Variants in SEMA3A observed in about 807,000 individuals in gnomAD.
SEMA3A encodes the protein semaphorin-3A.
SEMA3A carries 29 observed loss-of-function variants against 97.9 expected under a neutral mutation model. The observed-to-expected ratio is 0.30, with a 90% CI of 0.22 to 0.40. The LOEUF (loss-of-function observed/expected upper bound fraction) is 0.40. SEMA3A is among the 10% of genes least tolerant of loss of function. The pLI, the probability that SEMA3A is intolerant of heterozygous loss-of-function variation, is 1.00. For missense variants in SEMA3A, 763 were observed against 951.3 expected (o/e 0.80, Z 2.60); for synonymous variants, 321 against 323.7 (o/e 0.99, Z 0.09).
At chr7:84,156,665 A>T (rs1159472700) in intron 1 of SEMA3A, among the ~76,000 whole-genome samples, 1 of 152,168 alleles carries the variant, frequency 6.6e-6, no homozygotes, top group South Asian at 2.1e-4. Context: ...GAAGATACAC[A>T]TGTCAAAAAG....
intron 3 of SEMA3A, among the ~76,000 whole-genome samples, chr7:84,279,631 G>A (rs879853010): frequency 4.6e-5 from 7 of 152,082 alleles, no homozygotes; most frequent in African/African-American, 7.2e-5. Flanking sequence ...GTGGGAGTTC[G>A]TTTTACTACT....
At chr7:84,176,428 G>T (rs187365367) in intron 1 of SEMA3A, among the ~76,000 whole-genome samples, 1 of 152,086 alleles carries the variant, frequency 6.6e-6, no homozygotes, top group South Asian at 2.1e-4. Context: ...CCACGAGTTG[G>T]ATGTAAAACC....
intron 3 of SEMA3A, among the ~76,000 whole-genome samples, chr7:84,112,375 T>C (rs141584753): frequency 8.9e-4 from 135 of 152,318 alleles, no homozygotes; most frequent in African/African-American, 3.1e-3. Context: ...GTCTTTTTCA[T>C]TCTAGAAAAG....
chr7:84,028,155 A>G (rs564182121), intron 6 of SEMA3A, among the ~76,000 whole-genome samples: 18 of 152,322 alleles, frequency 1.2e-4, no homozygotes, highest in African/African-American at 3.8e-4. Context: ...GTAAATTGTA[A>G]ATTTATAGAA....
intron 3 of SEMA3A, among the ~76,000 whole-genome samples, chr7:84,285,121 C>G (rs1392955114): frequency 6.6e-6 from 1 of 152,058 alleles, no homozygotes; most frequent in Non-Finnish European, 1.5e-5. Context: ...TGGTCTTAAA[C>G]ATTTTTCTCC....
At chr7:84,478,933 A>G (rs1806372500) in intron 1 of SEMA3A, among the ~76,000 whole-genome samples, 1 of 152,184 alleles carries the variant, frequency 6.6e-6, no homozygotes, top group Non-Finnish European at 1.5e-5. Flanking sequence ...TCAACCTTAT[A>G]TAAAATCATA....
intron 3 of SEMA3A, among the ~76,000 whole-genome samples, chr7:84,282,909 G>A (rs1046775984): frequency 7.2e-5 from 11 of 152,054 alleles, no homozygotes; most frequent in Admixed American, 2.0e-4. Context: ...GGCTACTTGG[G>A]AGGCTGAGGC....
At chr7:84,448,538 G>A (rs888375042) in intron 1 of SEMA3A, among the ~76,000 whole-genome samples, 7 of 151,736 alleles carry the variant, frequency 4.6e-5, no homozygotes, top group Non-Finnish European at 1.0e-4. Flanking sequence ...AGGAGATGAA[G>A]AAAGCAATTT....
At chr7:84,368,458 C>T (rs1584269462) in intron 2 of SEMA3A, among the ~76,000 whole-genome samples, 1 of 150,990 alleles carries the variant, frequency 6.6e-6, no homozygotes, top group East Asian at 1.9e-4. Context: ...TTATTTTATG[C>T]ATCACTTAAA....
intron 3 of SEMA3A, among the ~76,000 whole-genome samples, chr7:84,266,956 T>G (rs180789087): frequency 7.2e-5 from 11 of 152,278 alleles, no homozygotes; most frequent in Admixed American, 6.5e-4. Context: ...CTAGCTTTAT[T>G]TTTTAATACT....
At chr7:84,234,034 C>A in intron 3 of SEMA3A, among the ~76,000 whole-genome samples, 1 of 151,584 alleles carries the variant, frequency 6.6e-6, no homozygotes, top group Admixed American at 6.6e-5. Context: ...CCTATTTGTT[C>A]ATTTGTTTAT....
At chr7:84,104,339 A>C (rs1025696312) in intron 4 of SEMA3A, among the ~76,000 whole-genome samples, 1 of 152,152 alleles carries the variant, frequency 6.6e-6, no homozygotes, top group African/African-American at 2.4e-5. Flanking sequence ...TAGGTATGCT[A>C]TATGTGCTAA....
chr7:84,064,027 G>A (rs1259808356), intron 4 of SEMA3A, among the ~76,000 whole-genome samples: 5 of 151,966 alleles, frequency 3.3e-5, no homozygotes, highest in East Asian at 1.9e-4. Flanking sequence ...GAGAAAGGTC[G>A]GGTTACCCAC....
At position 84,134,789 on chromosome 7, in the gene SEMA3A, G is replaced by A. The variant is rs1051540561; in HGVS notation, c.270+5C>T. On this transcript the variant is annotated splice_donor_5th_base_variant and intron_variant, in intron 2 of 16. Transcript: ENST00000265362. ...ACTATAGTGCATATATTAGAATACTGATACCTTTTGAAAATCCTTGATATT... is the reference window on the plus strand; with the variant it reads ...ACTATAGTGCATATATTAGAATACTAATACCTTTTGAAAATCCTTGATATT... The A allele has an allele frequency of 6.2e-7, 1 of 1,601,904 alleles. No individual in the cohort carries two copies. Among genetic ancestry groups the A allele is most frequent in the Non-Finnish European group, 8.5e-7 (1 of 1,171,378 alleles).
chr7:84,069,428 A>T (rs1324982125), intron 4 of SEMA3A, among the ~76,000 whole-genome samples: 2 of 152,292 alleles, frequency 1.3e-5, no homozygotes, highest in East Asian at 1.9e-4. Flanking sequence ...TAGTTGTTAC[A>T]GTAAACTTAT....
intron 4 of SEMA3A, among the ~76,000 whole-genome samples, chr7:84,069,804 T>G (rs572869758): frequency 6.6e-6 from 1 of 152,140 alleles, no homozygotes; most frequent in Non-Finnish European, 1.5e-5. Context: ...TTTAAAGTCA[T>G]TTATATGAAT....
intron 3 of SEMA3A, among the ~76,000 whole-genome samples, chr7:84,117,272 GAT>G (rs928470816): frequency 2.4e-4 from 36 of 152,204 alleles, no homozygotes; most frequent in Middle Eastern, 3.4e-3. Flanking sequence ...TATGTTTAGT[GAT>G]ATGTAGTAAA....
chr7:84,098,322 C>G (rs374036861), intron 4 of SEMA3A, among the ~76,000 whole-genome samples: 2 of 151,650 alleles, frequency 1.3e-5, no homozygotes, highest in South Asian at 2.1e-4. Context: ...GCTACAAATC[C>G]TAACTTTTTC....
upstream of SEMA3A, chr7:84,194,860 GAAA>G: frequency 9.6e-5 from 17 of 177,868 alleles, no homozygotes; most frequent in Non-Finnish European, 1.3e-4. Flanking sequence ...TGTGTGGAAA[GAAA>G]AAAAAAAAAA....
Sources: gnomAD v4.1 joint callset for allele counts (sites outside exome capture counted in the v4.1 genomes callset) on GRCh38, gnomAD v4.1.1 for gene constraint, MANE v1.5 for transcripts, NCBI Gene and HGNC (gene_info 2026-07-23, HGNC 2026-07-21) for gene names.